The following DLC1 variants were observed in gnomAD, a reference collection of about 807,000 sequenced individuals.
DLC1 encodes rho GTPase-activating protein 7.
Under a neutral mutation model 140.3 loss-of-function variants are expected in DLC1, and 54 were observed. The observed-to-expected ratio is 0.38, with a 90% confidence interval of 0.31 to 0.48. DLC1 has a LOEUF of 0.48. DLC1 is among the 20% of genes least tolerant of loss of function. DLC1 has a pLI of 0.96. For missense variants in DLC1, 2,536 were observed against 1,907.0 expected, an observed-to-expected ratio of 1.33 and a Z score of -6.14; for synonymous variants, 986 against 728.1, an observed-to-expected ratio of 1.35 and a Z score of -5.70.
At chr8:13,290,657 C>T (rs938276516) in intron 5 of DLC1, among the ~76,000 whole-genome samples, 25 of 151,992 alleles carry the variant, frequency 1.6e-4, no homozygotes, top group Non-Finnish European at 5.9e-5. Context: ...GGATAGAGTA[C>T]TGGAGTGTTT....
chr8:13,133,070 C>T, intron 5 of DLC1: 1 of 1,546,578 alleles, frequency 6.5e-7, no homozygotes, highest in Non-Finnish European at 8.7e-7. Flanking sequence ...ACGGCGGCAC[C>T]CGAGACGCGC....
chr8:13,188,795 G>GTA (rs1826539830), intron 5 of DLC1, among the ~76,000 whole-genome samples: 1 of 79,492 alleles, frequency 1.3e-5, no homozygotes, highest in Non-Finnish European at 2.5e-5. Context: ...GTGTGTGTGT[G>GTA]TGTGTGTATA....
intron 1 of DLC1, among the ~76,000 whole-genome samples, chr8:13,545,730 A>C (rs1484001412): frequency 2.0e-5 from 3 of 152,110 alleles, no homozygotes; most frequent in Non-Finnish European, 4.4e-5. Context: ...ATTTGTGCTA[A>C]GATAAATGAC....
chr8:13,520,445 G>T, intron 1 of DLC1, among the ~76,000 whole-genome samples: 1 of 152,070 alleles, frequency 6.6e-6, no homozygotes, highest in East Asian at 1.9e-4. Context: ...GACACAGGGA[G>T]GGGAACATCA....
At chr8:13,341,927 A>G (rs1025759978) in intron 4 of DLC1, 4 of 152,192 alleles carry the variant, frequency 2.6e-5, no homozygotes, top group Admixed American at 1.3e-4. Context: ...TCAGTAAGTA[A>G]AAATAATAAA....
At chr8:13,538,042 C>G (rs1421386742) in intron 1 of DLC1, among the ~76,000 whole-genome samples, 3 of 152,142 alleles carry the variant, frequency 2.0e-5, no homozygotes, top group African/African-American at 7.2e-5. Context: ...CTCACAAAGT[C>G]TCACTGAAGT....
At chr8:13,441,142 T>C (rs1798490669) in intron 2 of DLC1, among the ~76,000 whole-genome samples, 7 of 152,318 alleles carry the variant, frequency 4.6e-5, no homozygotes, top group African/African-American at 1.4e-4. Context: ...GAAAAGGACT[T>C]TGACAAAATT....
At chr8:13,378,694 TGA>T (rs1367166290) in intron 4 of DLC1, among the ~76,000 whole-genome samples, 12 of 152,180 alleles carry the variant, frequency 7.9e-5, no homozygotes, top group Non-Finnish European at 1.2e-4. Flanking sequence ...GTAACAATAT[TGA>T]GAGTCTTTCA....
intron 5 of DLC1, among the ~76,000 whole-genome samples, chr8:13,176,967 GA>G (rs1161961003): frequency 2.6e-5 from 4 of 152,170 alleles, no homozygotes; most frequent in Non-Finnish European, 4.4e-5. Context: ...GAACAGCAAG[GA>G]GACAGTTCTC....
At chr8:13,149,311 G>A (rs1563109788) in intron 5 of DLC1, among the ~76,000 whole-genome samples, 1 of 152,036 alleles carries the variant, frequency 6.6e-6, no homozygotes, top group Non-Finnish European at 1.5e-5. Flanking sequence ...CAATTTCTCT[G>A]AAATTTTAAA....
chr8:13,129,497 C>T (rs893451983), intron 5 of DLC1, among the ~76,000 whole-genome samples: 1 of 152,222 alleles, frequency 6.6e-6, no homozygotes, highest in Non-Finnish European at 1.5e-5. Context: ...TAGAGCCCCA[C>T]AGCTCCAAAC....
At chr8:13,214,457 G>T in intron 5 of DLC1, 1 of 614,728 alleles carries the variant, frequency 1.6e-6, no homozygotes, top group Non-Finnish European at 2.9e-6. Flanking sequence ...ATGACCTGTG[G>T]TCTGTGCTGA....
intron 4 of DLC1, among the ~76,000 whole-genome samples, chr8:13,379,492 C>G (rs1836156311): frequency 6.6e-6 from 1 of 152,182 alleles, no homozygotes; most frequent in Admixed American, 6.5e-5. Context: ...AACACAAAGC[C>G]TATTTTGTAA....
At chr8:13,500,737 C>T (rs1415760104) in intron 1 of DLC1, among the ~76,000 whole-genome samples, 1 of 152,218 alleles carries the variant, frequency 6.6e-6, no homozygotes, top group African/African-American at 2.4e-5. Context: ...GTAGTTACTC[C>T]AGGGAATGAC....
At chr8:13,408,545 A>T (rs1837661668) in intron 2 of DLC1, among the ~76,000 whole-genome samples, 1 of 152,208 alleles carries the variant, frequency 6.6e-6, no homozygotes, top group Non-Finnish European at 1.5e-5. Context: ...GCTCGTCCTG[A>T]GAAGTGTTCA....
intron 2 of DLC1, among the ~76,000 whole-genome samples, chr8:13,412,694 G>A (rs1837832139): frequency 1.3e-5 from 2 of 152,006 alleles, no homozygotes; most frequent in South Asian, 2.1e-4. Context: ...AGCACTTTGG[G>A]AGGCCGAGGT....
chr8:13,324,968 AGTTT>A (rs1025421722), intron 4 of DLC1, among the ~76,000 whole-genome samples: 15 of 152,234 alleles, frequency 9.9e-5, no homozygotes, highest in African/African-American at 3.4e-4. Context: ...CCAAATGGTT[AGTTT>A]GTTTGTGTTT....
chr8:13,590,349 C>G (rs923241566), intron 1 of DLC1, among the ~76,000 whole-genome samples: 3 of 151,892 alleles, frequency 2.0e-5, no homozygotes, highest in Non-Finnish European at 4.4e-5. Context: ...TAGGTTTCAC[C>G]AAGTGGAAAC....
chr8:13,153,251 G>A (rs1489284168), intron 5 of DLC1, among the ~76,000 whole-genome samples: 1 of 152,304 alleles, frequency 6.6e-6, no homozygotes, highest in Admixed American at 6.5e-5. Context: ...CTGGAGTGAA[G>A]CTGCTGATCT....
Sources: gnomAD v4.1 joint callset for allele counts (sites outside exome capture counted in the v4.1 genomes callset) on GRCh38, gnomAD v4.1.1 for gene constraint, MANE v1.5 for transcripts, NCBI Gene and HGNC (gene_info 2026-07-23, HGNC 2026-07-21) for gene names.